The following CFAP91 variants were observed in gnomAD, a reference collection of about 807,000 sequenced individuals.
CFAP91 encodes the protein cilia- and flagella-associated protein 91.
Under a neutral mutation model 95.9 loss-of-function variants are expected in CFAP91, and 85 were observed. The ratio of observed to expected loss-of-function variants is 0.89; its 90% CI spans 0.74 to 1.06. The LOEUF (loss-of-function observed/expected upper bound fraction) is 1.06. Among genes scored for constraint, CFAP91 ranks in the 50% least tolerant of loss-of-function variants. CFAP91 has a pLI of 0.00. For missense variants in CFAP91, 962 were observed against 943.4 expected (o/e 1.02, Z -0.26); for synonymous variants, 335 against 327.5 (o/e 1.02, Z -0.25).
intron 17 of CFAP91, among the ~76,000 whole-genome samples, chr3:119,751,712 T>C (rs1479042095): frequency 1.3e-5 from 2 of 152,228 alleles, no homozygotes; most frequent in Non-Finnish European, 2.9e-5. Context: ...AGCTGTTTTC[T>C]TTAGTCCTTA....
intron 1 of CFAP91, 191 bp from the exon 2 acceptor site, chr3:119,706,618 A>G: frequency 3.7e-6 from 2 of 538,054 alleles, no homozygotes; most frequent in South Asian, 2.7e-5. Flanking sequence ...ACATCTTGAC[A>G]ACTGTTGCTG....
At chr3:119,733,160 A>G (rs1316413304) in intron 9 of CFAP91, among the ~76,000 whole-genome samples, 1 of 152,212 alleles carries the variant, frequency 6.6e-6, no homozygotes, top group Non-Finnish European at 1.5e-5. Context: ...TTCTCATTGT[A>G]CAGTCTAAGT....
Position 119,710,548 on chromosome 3 carries a change from T to A in CFAP91, c.500+653T>A, listed in dbSNP as rs151322432. Reference sequence around the variant, plus strand: ...CGACAATGGGGACTAAGTTTAAACATGAATTTTGGAGAAGACACAGACACA... The same window carrying A: ...CGACAATGGGGACTAAGTTTAAACAAGAATTTTGGAGAAGACACAGACACA... On this transcript the variant is annotated intron_variant, in intron 5 of 17. Coordinates refer to ENST00000273390, the MANE Select transcript of CFAP91 (RefSeq NM_033364.4). Among the ~76,000 whole-genome samples, 119 of 152,334 alleles carry A rather than the reference T, an allele frequency of 7.8e-4. No individual in the cohort carries two copies. The East Asian group carries it at 9.8e-3, about 13-fold the overall frequency.
chr3:119,763,442 A>G (rs942052768), intron 17 of CFAP91, among the ~76,000 whole-genome samples: 2 of 152,102 alleles, frequency 1.3e-5, no homozygotes, highest in Non-Finnish European at 2.9e-5. Flanking sequence ...GAACTACCAT[A>G]TGATCCAGCA....
Position 119,715,742 on chromosome 3 carries a change from G to C in CFAP91, c.681G>C (p.Trp227Cys). 1 of 1,613,636 alleles carries C rather than the reference G, an allele frequency of 6.2e-7. No homozygotes were observed. Among genetic ancestry groups the C allele is most frequent in the Non-Finnish European group, 8.5e-7 (1 of 1,179,552 alleles). ...TCTTGACCCTGGCTACGCTTACTTGGGGTGAGTTGGTAAATCTCCTGACTA... is the reference window on the plus strand; with the variant it reads ...TCTTGACCCTGGCTACGCTTACTTGCGGTGAGTTGGTAAATCTCCTGACTA... The part of the protein sequence containing the change: ...PELLTLATLT[W>C]GRGLPAGQAE... The change falls in exon 6 of 18, where the codon TGG (tryptophan) becomes TGC (cysteine). Residue 227 changes from tryptophan to cysteine, a missense_variant and splice_region_variant. Physicochemically the swap from Trp to Cys is radical, Grantham distance 215. Coordinates refer to ENST00000273390, the MANE Select transcript of CFAP91 (RefSeq NM_033364.4).
chr3:119,765,374 CA>C lies in CFAP91; in HGVS notation c.*326del, dbSNP rs2054609741. On this transcript the variant is annotated 3_prime_UTR_variant, in exon 18 of 18. Transcript: ENST00000273390. ...AAGGAAATGTTGTGGAATATTTTTC[CA>C]AGTAGTTTTGGTTCACTATTCACAG... The C allele has an allele frequency of 2.0e-5, 3 of 152,036 alleles. No individual in the cohort carries two copies. The highest frequency in any genetic ancestry group is 2.0e-4 in the Admixed American group (3 of 15,256). 9.4% of individuals were successfully genotyped at this position (152,036 alleles called of 1,614,324 possible).
chr3:119,741,217 A>G (rs1379432524), intron 13 of CFAP91, among the ~76,000 whole-genome samples: 1 of 152,218 alleles, frequency 6.6e-6, no homozygotes, highest in Non-Finnish European at 1.5e-5. Flanking sequence ...TTGCAAAACA[A>G]TAACAACAAA....
intron 7 of CFAP91, among the ~76,000 whole-genome samples, chr3:119,727,868 A>G (rs1270739102): frequency 1.3e-5 from 2 of 152,180 alleles, no homozygotes; most frequent in African/African-American, 4.8e-5. Flanking sequence ...GTATCAGACA[A>G]TAATATCAGA....
intron 6 of CFAP91, among the ~76,000 whole-genome samples, chr3:119,720,729 G>C (rs1189752055): frequency 6.6e-6 from 1 of 152,246 alleles, no homozygotes; most frequent in South Asian, 2.1e-4. Context: ...CTTAGTATTG[G>C]TAGCACATTG....
At position 119,739,293 on chromosome 3, in the gene CFAP91, A is replaced by G. The variant is rs2054070543; in HGVS notation, c.1500A>G (p.Gln500=). Residue 500 remains glutamine (Q), a synonymous_variant, in exon 12 of 18, where the codon CAA becomes CAG. Coordinates refer to ENST00000273390, the MANE Select transcript of CFAP91 (RefSeq NM_033364.4). ...TGGAAATGGCTGTGATCTACCTTCA[A>G]AAGTTACTCCGGGGCAGAGTCGTTC... ...EEMEMAVIYL[Q]KLLRGRVVQN... 1.2e-6 allele frequency: 2 copies of G among 1,614,052 alleles called. No homozygotes were observed. Among genetic ancestry groups the G allele is most frequent in the African/African-American group, 2.7e-5 (2 of 74,914 alleles).
chr3:119,726,199 G>A lies in CFAP91; in HGVS notation c.711G>A (p.Glu237=), dbSNP rs1298735390. The stretch of plus-strand genomic sequence containing the variant: ...GGGGTCTCCCAGCAGGACAAGCTGA[G>A]GTGGAGATGATAGAAAGAGCCCGCG... ...WGRGLPAGQA[E]VEMIERAREK... The change falls in exon 7 of 18, where the codon GAG becomes GAA. Residue 237 remains glutamate (E), a synonymous_variant. Coordinates refer to ENST00000273390, the MANE Select transcript of CFAP91 (RefSeq NM_033364.4). 1 of 1,612,836 alleles carries A rather than the reference G, an allele frequency of 6.2e-7. No individual in the cohort carries two copies. The highest frequency in any genetic ancestry group is 8.5e-7 in the Non-Finnish European group (1 of 1,179,514).
chr3:119,716,343 T>C (rs531914500), intron 6 of CFAP91, among the ~76,000 whole-genome samples: 1 of 152,384 alleles, frequency 6.6e-6, no homozygotes, highest in South Asian at 2.1e-4. Flanking sequence ...AATTAGCTTA[T>C]GTAACTCACT....
intron 5 of CFAP91, among the ~76,000 whole-genome samples, chr3:119,712,930 G>A (rs2053498681): frequency 6.7e-6 from 1 of 149,988 alleles, no homozygotes; most frequent in African/African-American, 2.5e-5. Flanking sequence ...CCTCAAGCCT[G>A]GGTGGCAGAG....
chr3:119,716,849 C>G (rs1043204836), intron 6 of CFAP91, among the ~76,000 whole-genome samples: 2 of 152,172 alleles, frequency 1.3e-5, no homozygotes, highest in Admixed American at 6.5e-5. Context: ...CTCAGCCTCC[C>G]AAAGTGCTGG....
intron 6 of CFAP91, 44 bp from the exon 7 acceptor site, chr3:119,726,127 G>T (rs1425781487): frequency 2.6e-6 from 4 of 1,534,380 alleles, no homozygotes; most frequent in Non-Finnish European, 3.5e-6. Context: ...GGGGGTGCAT[G>T]GGTCAGCTCA....
intron 9 of CFAP91, 41 bp from the exon 10 acceptor site, chr3:119,733,323 G>T: frequency 6.3e-7 from 1 of 1,598,890 alleles, no homozygotes; most frequent in Non-Finnish European, 8.5e-7. Context: ...AATAATAAAC[G>T]TAAGCACTGG....
chr3:119,709,399 A>C (rs1243776273), intron 4 of CFAP91, among the ~76,000 whole-genome samples: 1 of 152,234 alleles, frequency 6.6e-6, no homozygotes, highest in Non-Finnish European at 1.5e-5. Flanking sequence ...AATTCTGTAC[A>C]GTTAACTGTA....
chr3:119,738,572 C>T (rs1022858378), intron 11 of CFAP91, among the ~76,000 whole-genome samples: 4 of 151,766 alleles, frequency 2.6e-5, no homozygotes, highest in African/African-American at 9.7e-5. Context: ...TTGTCTCAAA[C>T]TCTTGACCTC....
chr3:119,703,299 CA>C (rs762959629), intron 1 of CFAP91, 77 bp downstream of exon 1: 1 of 1,576,576 alleles, frequency 6.3e-7, no homozygotes, highest in South Asian at 1.1e-5. Context: ...GGGACCTGGC[CA>C]GGGGCATGGC....
Sources: gnomAD v4.1 joint callset for allele counts (sites outside exome capture counted in the v4.1 genomes callset) on GRCh38, gnomAD v4.1.1 for gene constraint, MANE v1.5 for transcripts, NCBI Gene and HGNC (gene_info 2026-07-23, HGNC 2026-07-21) for gene names.